UST: variants seen among roughly 807,000 people sequenced by gnomAD.
UST encodes uronyl 2-sulfotransferase, also known as chondroitin sulfate 2-O-sulfotransferase.
In UST, 21 loss-of-function variants were observed where a neutral mutation model predicts 45.6. That is an observed-to-expected ratio of 0.46 (90% CI 0.33 to 0.66). UST has a LOEUF of 0.66. UST is among the 30% of genes least tolerant of loss of function. The probability of loss-of-function intolerance (pLI) is 0.02; values close to 1 mark genes in which losing one functional copy is unlikely to be tolerated. For synonymous variants in UST, 215 were observed against 200.6 expected, an observed-to-expected ratio of 1.07 and a Z score of -0.61; for missense variants, 463 against 512.4, an observed-to-expected ratio of 0.90 and a Z score of 0.93.
chr6:148,896,821 G>A (rs1475502578), intron 2 of UST, among the ~76,000 whole-genome samples: 1 of 152,116 alleles, frequency 6.6e-6, no homozygotes, highest in Admixed American at 6.5e-5. Context: ...AGAAGCATCG[G>A]TTTTAGAATC....
chr6:148,958,902 C>T (rs1316686305), intron 4 of UST: 1 of 152,218 alleles, frequency 6.6e-6, no homozygotes, highest in Non-Finnish European at 1.5e-5. Flanking sequence ...CACCAATATG[C>T]TAAATAATTT....
At chr6:148,780,448 T>G (rs546201913) in intron 1 of UST, among the ~76,000 whole-genome samples, 3 of 152,144 alleles carry the variant, frequency 2.0e-5, no homozygotes, top group African/African-American at 7.2e-5. Flanking sequence ...CTCCCCACCC[T>G]CCAGTGGAGG....
At chr6:149,036,298 A>C (rs915140677) in intron 7 of UST, among the ~76,000 whole-genome samples, 1 of 151,960 alleles carries the variant, frequency 6.6e-6, no homozygotes, top group African/African-American at 2.4e-5. Context: ...GTGAGCTGAC[A>C]CTCCCGAGCC....
intron 2 of UST, among the ~76,000 whole-genome samples, chr6:148,927,187 AGAAAGGGGAGG>A (rs931027640): frequency 2.0e-5 from 3 of 151,908 alleles, no homozygotes; most frequent in African/African-American, 7.3e-5. Flanking sequence ...AGAGAGAGAG[AGAAAGGGGAGG>A]GAAAGGGGAG....
At chr6:148,855,423 G>C (rs73003165) in intron 1 of UST, among the ~76,000 whole-genome samples, 2,143 of 152,296 alleles carry the variant, frequency 0.014, 32 homozygotes, top group Admixed American at 0.028. Context: ...GCTGTCTTAG[G>C]TAAAGAAATA....
intron 1 of UST, among the ~76,000 whole-genome samples, chr6:148,767,080 C>T (rs1776338612): frequency 2.0e-5 from 3 of 152,142 alleles, no homozygotes. Context: ...CCAGCAAGCA[C>T]CCAGGTGTAG....
At chr6:149,001,958 T>G (rs933170300) in intron 5 of UST, among the ~76,000 whole-genome samples, 1 of 152,198 alleles carries the variant, frequency 6.6e-6, no homozygotes, top group African/African-American at 2.4e-5. Flanking sequence ...AAAAATTTAA[T>G]CAAGTTTGAA....
At chr6:149,008,864 T>G (rs553636811) in intron 5 of UST, among the ~76,000 whole-genome samples, 2 of 152,294 alleles carry the variant, frequency 1.3e-5, no homozygotes, top group African/African-American at 4.8e-5. Flanking sequence ...CATTAAATAA[T>G]CACCAGCAGG....
chr6:148,938,775 GATA>G (rs770321146), intron 2 of UST, among the ~76,000 whole-genome samples: 136 of 150,912 alleles, frequency 9.0e-4, no homozygotes, highest in Non-Finnish European at 1.6e-3. Context: ...TAATAAAGTA[GATA>G]ATAGTATAAA....
intron 1 of UST, among the ~76,000 whole-genome samples, chr6:148,749,580 C>G (rs1400863244): frequency 1.3e-5 from 2 of 152,052 alleles, no homozygotes; most frequent in African/African-American, 2.4e-5. Context: ...CCACCCAGCT[C>G]CTAAAGTTTT....
Position 148,990,400 on chromosome 6 carries a change from G to A in UST, c.681+25837G>A, listed in dbSNP as rs539352599. 1.0e-5 allele frequency: 10 copies of A among 985,286 alleles called. No homozygotes were observed. In the South Asian group the frequency reaches 2.3e-4, roughly 23 times the overall value. 61.0% of individuals were successfully genotyped at this position (985,286 alleles called of 1,614,324 possible). A position where few individuals can be genotyped will look rare whatever the true frequency, so the allele number is the denominator to read the frequency against. ...TTAAGCAGATCAACCTATGAAGAGC[G>A]AGAAGCCAAAGGAGATGTTTCATGA... On this transcript the variant is annotated intron_variant, in intron 5 of 7. Coordinates refer to ENST00000367463, the MANE Select transcript of UST (RefSeq NM_005715.3).
At chr6:148,930,296 T>G (rs1424356424) in intron 2 of UST, among the ~76,000 whole-genome samples, 1 of 152,238 alleles carries the variant, frequency 6.6e-6, no homozygotes, top group Non-Finnish European at 1.5e-5. Flanking sequence ...ATTCACTTAT[T>G]CAACAATTAT....
Position 148,910,134 on chromosome 6 carries a change from C to CTTTTT in UST, c.291+23124_291+23128dup, listed in dbSNP as rs148286486. ...AAATCTCCCAAGGTAGCCTGGGATG[C>CTTTTT]TTTTTTTTTTTTTTTTTTTTTTTGA... On this transcript the variant is annotated intron_variant, in intron 2 of 7. Coordinates refer to ENST00000367463, the MANE Select transcript of UST (RefSeq NM_005715.3). Among the ~76,000 whole-genome samples the CTTTTT allele has an allele frequency of 3.6e-4, 37 of 103,448 alleles. 2 individuals carry two copies. Among genetic ancestry groups the CTTTTT allele is most frequent in the Non-Finnish European group, 4.6e-4 (25 of 53,770 alleles). 67.9% of individuals were successfully genotyped at this position (103,448 alleles called of 152,430 possible).
chr6:149,076,917 C>T lies in UST; in HGVS notation c.*2801C>T, dbSNP rs1019415085. 4.7e-5 allele frequency: 7 copies of T among 150,070 alleles called. No individual in the cohort carries two copies. The highest frequency in any genetic ancestry group is 7.4e-5 in the Non-Finnish European group (5 of 67,646). 9.3% of individuals were successfully genotyped at this position (150,070 alleles called of 1,614,324 possible). A position where few individuals can be genotyped will look rare whatever the true frequency, so the allele number is the denominator to read the frequency against. ...GAAGAAAGAAAAAAATGGTGTTTGA[C>T]GTTGATGGAAATTCAAAAATATATA... On this transcript the variant is annotated 3_prime_UTR_variant, in exon 8 of 8. Coordinates refer to ENST00000367463, the MANE Select transcript of UST (RefSeq NM_005715.3).
chr6:148,908,197 C>T (rs1779404869), intron 2 of UST, among the ~76,000 whole-genome samples: 2 of 152,186 alleles, frequency 1.3e-5, no homozygotes, highest in Admixed American at 1.3e-4. Flanking sequence ...TGGCTCGAGT[C>T]AAATCAATTT....
At chr6:148,784,269 T>A (rs1776697973) in intron 1 of UST, among the ~76,000 whole-genome samples, 2 of 152,354 alleles carry the variant, frequency 1.3e-5, no homozygotes, top group South Asian at 4.1e-4. Flanking sequence ...AGCCTGAAGT[T>A]TTCTCTCTGC....
intron 7 of UST, among the ~76,000 whole-genome samples, chr6:149,047,075 C>T (rs1776407282): frequency 6.6e-6 from 1 of 152,160 alleles, no homozygotes; most frequent in South Asian, 2.1e-4. Context: ...ATGCAAATGT[C>T]GAGGTCACAT....
At chr6:148,810,435 A>T (rs1316988522) in intron 1 of UST, among the ~76,000 whole-genome samples, 2 of 152,230 alleles carry the variant, frequency 1.3e-5, no homozygotes, top group African/African-American at 4.8e-5. Context: ...ATGAGTAATA[A>T]GTATTGTATG....
At chr6:148,958,336 G>A (rs1013504869) in intron 4 of UST, among the ~76,000 whole-genome samples, 2 of 152,132 alleles carry the variant, frequency 1.3e-5, no homozygotes, top group African/African-American at 4.8e-5. Flanking sequence ...CCTGCCCGGG[G>A]ACTTATGCAC....
Sources: gnomAD v4.1 joint callset for allele counts (sites outside exome capture counted in the v4.1 genomes callset) on GRCh38, gnomAD v4.1.1 for gene constraint, MANE v1.5 for transcripts, NCBI Gene and HGNC (gene_info 2026-07-23, HGNC 2026-07-21) for gene names.